The following COL14A1 variants were observed in gnomAD, a reference collection of about 807,000 sequenced individuals.
COL14A1 encodes the protein collagen type XIV alpha 1 chain.
Under a neutral mutation model 230.3 loss-of-function variants are expected in COL14A1, and 136 were observed. That is an observed-to-expected ratio of 0.59 (90% CI 0.51 to 0.68). The LOEUF (loss-of-function observed/expected upper bound fraction) is 0.68. Ranked by LOEUF, COL14A1 falls within the 30% of genes least tolerant of loss-of-function variation. The pLI is 0.00. For missense variants in COL14A1, 1,976 were observed against 2,215.8 expected (o/e 0.89, Z 2.17); for synonymous variants, 792 against 784.1 (o/e 1.01, Z -0.17).
chr8:120,246,057 A>C (rs1818752239), intron 20 of COL14A1, among the ~76,000 whole-genome samples: 1 of 152,238 alleles, frequency 6.6e-6, no homozygotes, highest in South Asian at 2.1e-4. Context: ...GGTTAGGTTC[A>C]AAATGGTGTC....
At chr8:120,279,127 A>G (rs557354777) in intron 28 of COL14A1, among the ~76,000 whole-genome samples, 2 of 147,976 alleles carry the variant, frequency 1.4e-5, no homozygotes, top group African/African-American at 5.0e-5. Context: ...AGGGAGGGGA[A>G]CATCACACAC....
At chr8:120,259,378 C>A (rs945827749) in intron 23 of COL14A1, among the ~76,000 whole-genome samples, 1 of 151,994 alleles carries the variant, frequency 6.6e-6, no homozygotes, top group African/African-American at 2.4e-5. Flanking sequence ...AATGAGTGCA[C>A]AAATAAAGAC....
intron 3 of COL14A1, among the ~76,000 whole-genome samples, chr8:120,160,842 G>C (rs186831556): frequency 1.9e-4 from 29 of 152,206 alleles, no homozygotes; most frequent in Middle Eastern, 3.4e-3. Flanking sequence ...ATAGTTTAAT[G>C]GTCAAATAAA....
chr8:120,157,978 C>G (rs1354507709), intron 2 of COL14A1, 152 bp from the exon 3 acceptor site: 2 of 452,626 alleles, frequency 4.4e-6, no homozygotes, highest in African/African-American at 4.2e-5. Context: ...GAGCGAGACT[C>G]CCTCTCAAAA....
In COL14A1 at chr8:120,367,232, C is replaced by A. The variant is rs564855463; in HGVS notation, c.5139C>A (p.Gly1713=). ...GCGTTGGAACCCAAGGTCCAAGAGG[C>A]CCCCCTGGACCAGCAGGTAAATCTT... is the stretch of plus-strand genomic sequence containing the variant. The part of the protein sequence containing the change: ...NPGVGTQGPR[G]PPGPAGPSGE... The change falls in exon 46 of 48, where the codon GGC becomes GGA. Residue 1713 remains glycine (G), a synonymous_variant. Transcript: ENST00000297848. 1.4e-5 allele frequency: 23 copies of A among 1,611,180 alleles called. No homozygotes were observed. The highest frequency in any genetic ancestry group is 1.9e-5 in the Non-Finnish European group (22 of 1,178,128).
intron 42 of COL14A1, among the ~76,000 whole-genome samples, chr8:120,339,611 C>T (rs1048480389): frequency 2.0e-5 from 3 of 152,168 alleles, no homozygotes; most frequent in African/African-American, 7.2e-5. Flanking sequence ...ACCCAGCTTG[C>T]AGGTCCAATG....
chr8:120,226,852 T>A, intron 16 of COL14A1, 86 bp downstream of exon 16: 1 of 1,237,224 alleles, frequency 8.1e-7, no homozygotes, highest in Non-Finnish European at 1.1e-6. Context: ...CTTTAAAATA[T>A]ATTAGGAATC....
At chr8:120,349,924 C>A (rs372139655) in intron 45 of COL14A1, among the ~76,000 whole-genome samples, 1 of 144,370 alleles carries the variant, frequency 6.9e-6, no homozygotes, top group African/African-American at 2.7e-5. Context: ...AACTCCAAGA[C>A]ACATAATTGT....
chr8:120,127,023 A>G (rs898635084), intron 1 of COL14A1, among the ~76,000 whole-genome samples: 6 of 152,176 alleles, frequency 3.9e-5, no homozygotes, highest in Non-Finnish European at 8.8e-5. Flanking sequence ...AGCAGAGTAA[A>G]TCCACCATTT....
intron 22 of COL14A1, among the ~76,000 whole-genome samples, chr8:120,252,426 C>G (rs559749982): frequency 2.6e-5 from 4 of 152,276 alleles, no homozygotes; most frequent in African/African-American, 9.6e-5. Context: ...TTAAAGACAA[C>G]ATATAAATGA....
intron 26 of COL14A1, among the ~76,000 whole-genome samples, chr8:120,275,528 C>T (rs1005641202): frequency 2.0e-5 from 3 of 149,650 alleles, no homozygotes; most frequent in East Asian, 3.9e-4. Context: ...AACAGCTAAT[C>T]ATCAGAGTAA....
rs181516867 is a variant in COL14A1, at chr8:120,314,594, G to T, written c.4551+567G>T. Among the ~76,000 whole-genome samples, 15 of 152,260 alleles carry T rather than the reference G, an allele frequency of 9.9e-5. No homozygotes were observed. In the East Asian group the frequency reaches 2.9e-3, roughly 29 times the overall value. On this transcript the variant is annotated intron_variant, in intron 38 of 47. Transcript: ENST00000297848. ...GATCTTCATTAATCTTACTGTAGGA[G>T]TCTAGATTTAAGAATAAAAACAATC...
Position 120,193,610 on chromosome 8 carries a change from G to T in COL14A1, c.437-3181G>T, listed in dbSNP as rs970713941. On this transcript the variant is annotated intron_variant, in intron 5 of 47. Transcript: ENST00000297848. ...GACAGGGACATTTAAGTCTGCAGAGGTTACTGCTGTCTTTTTGTTTGTCTG... is the reference window on the plus strand; with the variant it reads ...GACAGGGACATTTAAGTCTGCAGAGTTTACTGCTGTCTTTTTGTTTGTCTG... Among the ~76,000 whole-genome samples, 5 of 152,184 alleles carry T rather than the reference G, an allele frequency of 3.3e-5. No homozygotes were observed. In the East Asian group the frequency reaches 5.8e-4, roughly 18 times the overall value.
In COL14A1 at chr8:120,280,671, A is replaced by G. The variant is rs762083162; in HGVS notation, c.3647-40A>G. 5.0e-6 allele frequency: 8 copies of G among 1,596,948 alleles called. 1 individual carries two copies. The South Asian group carries it at 7.8e-5, about 15-fold the overall frequency. On this transcript the variant is annotated intron_variant, in intron 29 of 47. Transcript: ENST00000297848. ...CAGGGAAAGAGTATGTTTGTGAAATATCCGAATTAGAGTTTTATTTTGTTT... is the reference window on the plus strand; with the variant it reads ...CAGGGAAAGAGTATGTTTGTGAAATGTCCGAATTAGAGTTTTATTTTGTTT...
chr8:120,360,012 T>C (rs964732928), intron 45 of COL14A1, among the ~76,000 whole-genome samples: 3 of 152,258 alleles, frequency 2.0e-5, no homozygotes, highest in Non-Finnish European at 4.4e-5. Flanking sequence ...CTACCTATAC[T>C]GTCTTGACTG....
At position 120,147,163 on chromosome 8, in the gene COL14A1, A is replaced by G. The variant is rs183684930; in HGVS notation, c.-37-643A>G. On this transcript the variant is annotated intron_variant, in intron 1 of 47. Coordinates refer to ENST00000297848, the MANE Select transcript of COL14A1 (RefSeq NM_021110.4). ...TTTCTTCTTCATTTTCTTGTCTTCC[A>G]TTTATCGTCCTTTCTTTCTTTTGCT... Among the ~76,000 whole-genome samples the G allele has an allele frequency of 3.3e-3, 494 of 150,926 alleles. 1 individual carries two copies. The highest frequency in any genetic ancestry group is 5.5e-3 in the Non-Finnish European group (371 of 67,726).
intron 5 of COL14A1, among the ~76,000 whole-genome samples, chr8:120,191,419 A>C (rs1210798601): frequency 1.3e-5 from 2 of 152,152 alleles, no homozygotes; most frequent in East Asian, 3.9e-4. Context: ...ACAGTTTGTT[A>C]TAATTTCTGT....
intron 3 of COL14A1, among the ~76,000 whole-genome samples, chr8:120,159,698 T>A (rs537664249): frequency 8.5e-5 from 13 of 152,280 alleles, no homozygotes; most frequent in African/African-American, 2.9e-4. Flanking sequence ...TTTAATTTTT[T>A]AAATTTTTTG....
intron 1 of COL14A1, among the ~76,000 whole-genome samples, chr8:120,135,508 G>A (rs1814679815): frequency 6.6e-6 from 1 of 152,132 alleles, no homozygotes; most frequent in Admixed American, 6.6e-5. Context: ...CAGGTGATCT[G>A]CCTGTCTTGG....
Sources: allele counts gnomAD v4.1 joint callset (sites outside exome capture counted in the v4.1 genomes callset), GRCh38; gene constraint gnomAD v4.1.1; transcripts MANE v1.5; gene names NCBI Gene and HGNC (gene_info 2026-07-23, HGNC 2026-07-21).